Variants in MAST4 observed in about 807,000 individuals in gnomAD.
MAST4 encodes the protein microtubule associated serine/threonine kinase family member 4.
MAST4 carries 89 observed loss-of-function variants against 162.7 expected under a neutral mutation model. That is an observed-to-expected ratio of 0.55 (90% CI 0.46 to 0.65). The LOEUF is 0.65. MAST4 is among the 30% of genes least tolerant of loss of function. MAST4 has a pLI of 0.00. For synonymous variants in MAST4, 1,479 were observed against 1,361.1 expected (o/e 1.09, Z -1.91); for missense variants, 3,153 against 3,374.0 (o/e 0.93, Z 1.62).
intron 1 of MAST4, among the ~76,000 whole-genome samples, chr5:66,646,134 G>A (rs1745819695): frequency 6.6e-6 from 1 of 152,042 alleles, no homozygotes; most frequent in African/African-American, 2.4e-5. Flanking sequence ...CCATCTTATA[G>A]TCATCCACCC....
intron 3 of MAST4, among the ~76,000 whole-genome samples, chr5:66,817,065 C>T (rs1258472069): frequency 2.0e-5 from 3 of 152,160 alleles, no homozygotes; most frequent in African/African-American, 7.2e-5. Flanking sequence ...CCTGGAGTAT[C>T]TTGTCCTGGG....
At chr5:66,857,444 T>C (rs1759773246) in intron 3 of MAST4, among the ~76,000 whole-genome samples, 1 of 152,256 alleles carries the variant, frequency 6.6e-6, no homozygotes, top group South Asian at 2.1e-4. Context: ...TGCTGGGTTC[T>C]ATAGTATACA....
At chr5:66,969,655 C>T (rs1747187040) in intron 4 of MAST4, among the ~76,000 whole-genome samples, 1 of 152,126 alleles carries the variant, frequency 6.6e-6, no homozygotes, top group South Asian at 2.1e-4. Context: ...GCCTGAATCC[C>T]CCTCACTTCA....
chr5:66,982,904 C>T (rs893189511), intron 4 of MAST4, among the ~76,000 whole-genome samples: 1 of 152,212 alleles, frequency 6.6e-6, no homozygotes, highest in Non-Finnish European at 1.5e-5. Context: ...ATACAGGGTT[C>T]ATTGTCTAGC....
rs188909300 is a variant in MAST4 at position 67,110,674 on chromosome 5, C to T, written c.1458+475C>T. On this transcript the variant is annotated intron_variant, in intron 11 of 28. Coordinates refer to ENST00000403625, the MANE Select transcript of MAST4 (RefSeq NM_001164664.2). Reference sequence around the variant, plus strand: ...TCCCATTTGGGAAAATACAGTAGAGCCTCATGCAGACCTGAAGGAATGAGA... The same window carrying T: ...TCCCATTTGGGAAAATACAGTAGAGTCTCATGCAGACCTGAAGGAATGAGA... Among the ~76,000 whole-genome samples the T allele has an allele frequency of 3.7e-3, 557 of 152,286 alleles. 7 individuals carry two copies. Among genetic ancestry groups the T allele is most frequent in the Non-Finnish European group, 4.0e-3 (270 of 68,024 alleles).
At chr5:66,700,826 C>T (rs370450002) in intron 1 of MAST4, among the ~76,000 whole-genome samples, 5 of 144,214 alleles carry the variant, frequency 3.5e-5, no homozygotes, top group East Asian at 4.0e-4. Context: ...CACACACACA[C>T]ATATATACAC....
At chr5:66,830,404 T>C (rs1231798800) in intron 3 of MAST4, among the ~76,000 whole-genome samples, 1 of 152,212 alleles carries the variant, frequency 6.6e-6, no homozygotes, top group East Asian at 1.9e-4. Context: ...TTTTCATTAA[T>C]TAAAATAATG....
chr5:66,625,435 T>C (rs1744361185), intron 1 of MAST4, among the ~76,000 whole-genome samples: 1 of 152,192 alleles, frequency 6.6e-6, no homozygotes, highest in East Asian at 1.9e-4. Flanking sequence ...ATTAGCAAAC[T>C]GTGTATCTAA....
intron 4 of MAST4, among the ~76,000 whole-genome samples, chr5:66,931,356 A>G (rs1742172582): frequency 6.6e-6 from 1 of 151,902 alleles, no homozygotes; most frequent in African/African-American, 2.4e-5. Flanking sequence ...AATTTTTCCA[A>G]TTGTGAGTTT....
chr5:67,090,119 C>A, intron 5 of MAST4, 43 bp from the exon 6 acceptor site: 2 of 1,328,854 alleles, frequency 1.5e-6, no homozygotes, highest in Non-Finnish European at 2.2e-6. Context: ...GGAAATGATA[C>A]ACAAAATCAT....
chr5:66,880,750 G>A (rs923014222), intron 3 of MAST4, among the ~76,000 whole-genome samples: 13 of 152,228 alleles, frequency 8.5e-5, no homozygotes, highest in Middle Eastern at 3.4e-3. Flanking sequence ...CTTATTTTCC[G>A]TGATGCTTTG....
intron 3 of MAST4, among the ~76,000 whole-genome samples, chr5:66,835,735 A>T (rs537931187): frequency 6.6e-6 from 1 of 152,240 alleles, no homozygotes; most frequent in African/African-American, 2.4e-5. Context: ...AATAAATTAT[A>T]TGTAACCATA....
At chr5:66,905,863 A>T (rs1763322551) in intron 4 of MAST4, among the ~76,000 whole-genome samples, 1 of 152,168 alleles carries the variant, frequency 6.6e-6, no homozygotes, top group Non-Finnish European at 1.5e-5. Flanking sequence ...GGTTAAGATA[A>T]GTGATTATGG....
At chr5:66,815,185 AT>A (rs1756658738) in intron 3 of MAST4, among the ~76,000 whole-genome samples, 1 of 152,218 alleles carries the variant, frequency 6.6e-6, no homozygotes, top group South Asian at 2.1e-4. Context: ...ATTAGTTATG[AT>A]TTTTATACCA....
chr5:66,843,477 C>G (rs904178616), intron 3 of MAST4, among the ~76,000 whole-genome samples: 2 of 152,124 alleles, frequency 1.3e-5, no homozygotes, highest in African/African-American at 2.4e-5. Flanking sequence ...ATTTTCTTAG[C>G]CAGATCCAAG....
In MAST4 at chr5:67,132,340, A is replaced by T. The variant is rs1408861713; in HGVS notation, c.2093+389A>T. Among the ~76,000 whole-genome samples, 3 of 152,044 alleles carry T rather than the reference A, an allele frequency of 2.0e-5. No individual in the cohort carries two copies. In the East Asian group the frequency reaches 5.8e-4, roughly 29 times the overall value. ...TCCCTTCCCTAGTTCCCCACCCCCA[A>T]TGATGCTTATATTAATAACTTATCA... On this transcript the variant is annotated intron_variant, in intron 16 of 28. Coordinates refer to ENST00000403625, the MANE Select transcript of MAST4 (RefSeq NM_001164664.2).
At chr5:66,949,905 G>A (rs1309083599) in intron 4 of MAST4, among the ~76,000 whole-genome samples, 7 of 152,122 alleles carry the variant, frequency 4.6e-5, no homozygotes, top group African/African-American at 1.4e-4. Context: ...TTAAAAGAGG[G>A]AGTATATTTG....
intron 4 of MAST4, among the ~76,000 whole-genome samples, chr5:67,049,027 A>ATATATATACGTATATATATATATATACG (rs1561576270): frequency 1.2e-5 from 1 of 84,034 alleles, no homozygotes; most frequent in Non-Finnish European, 2.5e-5. Flanking sequence ...ATATACGTAT[A>ATATATATACGTATATATATATATATACG]TATATATATA....
intron 3 of MAST4, among the ~76,000 whole-genome samples, chr5:66,881,053 A>T (rs1761660383): frequency 1.3e-5 from 2 of 152,214 alleles, no homozygotes; most frequent in African/African-American, 4.8e-5. Context: ...GACTCTACTC[A>T]TGTAATCAGC....
Sources: allele counts gnomAD v4.1 joint callset (sites outside exome capture counted in the v4.1 genomes callset), GRCh38; gene constraint gnomAD v4.1.1; transcripts MANE v1.5; gene names NCBI Gene and HGNC (gene_info 2026-07-23, HGNC 2026-07-21).